The following ZNF521 variants were observed in gnomAD, a reference collection of about 807,000 sequenced individuals.
ZNF521 encodes LYST-interacting protein 3.
ZNF521 carries 14 observed loss-of-function variants against 105.5 expected under a neutral mutation model. The ratio of observed to expected loss-of-function variants is 0.13; its 90% CI spans 0.09 to 0.21. ZNF521 has a LOEUF of 0.21. Ranked by LOEUF, ZNF521 falls within the 10% of genes least tolerant of loss-of-function variation. The pLI, the probability that ZNF521 is intolerant of heterozygous loss-of-function variation, is 1.00. For missense variants in ZNF521, 1,233 were observed against 1,629.7 expected, an observed-to-expected ratio of 0.76 and a Z score of 4.19; for synonymous variants, 635 against 606.0, an observed-to-expected ratio of 1.05 and a Z score of -0.70.
At chr18:25,314,409 G>A (rs139405621) in intron 3 of ZNF521, among the ~76,000 whole-genome samples, 25 of 152,242 alleles carry the variant, frequency 1.6e-4, no homozygotes, top group Middle Eastern at 3.4e-3. Context: ...CAAATAATAA[G>A]GATATTCCAG....
At chr18:25,277,373 T>G (rs1910104630) in intron 3 of ZNF521, among the ~76,000 whole-genome samples, 1 of 152,066 alleles carries the variant, frequency 6.6e-6, no homozygotes, top group South Asian at 2.1e-4. Flanking sequence ...AACCAGCTAG[T>G]TTTTCATATA....
intron 2 of ZNF521, among the ~76,000 whole-genome samples, chr18:25,346,047 A>C (rs1284916402): frequency 6.6e-6 from 1 of 152,216 alleles, no homozygotes; most frequent in Admixed American, 6.5e-5. Context: ...CTTAGGTTAA[A>C]ATCTAATCAT....
At chr18:25,232,525 A>G (rs1313749152) in intron 3 of ZNF521, among the ~76,000 whole-genome samples, 1 of 152,254 alleles carries the variant, frequency 6.6e-6, no homozygotes, top group Admixed American at 6.5e-5. Flanking sequence ...ACAGTGCCTT[A>G]AGCTTTCACA....
chr18:25,066,160 T>C (rs1424430287), intron 7 of ZNF521, among the ~76,000 whole-genome samples: 1 of 152,196 alleles, frequency 6.6e-6, no homozygotes, highest in Non-Finnish European at 1.5e-5. Flanking sequence ...TTCCCTTTTT[T>C]GCTCCAGCCC....
intron 3 of ZNF521, among the ~76,000 whole-genome samples, chr18:25,268,836 T>C (rs1909444665): frequency 6.6e-6 from 1 of 152,098 alleles, no homozygotes; most frequent in Non-Finnish European, 1.5e-5. Flanking sequence ...TACCTAACTG[T>C]AAAGACCATC....
At chr18:25,256,864 G>A (rs371343384) in intron 3 of ZNF521, among the ~76,000 whole-genome samples, 26 of 152,028 alleles carry the variant, frequency 1.7e-4, no homozygotes, top group Admixed American at 1.1e-3. Flanking sequence ...GCATCTCACA[G>A]AAGGACAGGT....
At chr18:25,092,242 T>C (rs1027938954) in intron 5 of ZNF521, among the ~76,000 whole-genome samples, 161 bp from the exon 6 acceptor site, 2 of 152,260 alleles carry the variant, frequency 1.3e-5, no homozygotes, top group African/African-American at 2.4e-5. Context: ...TTCATGAGTT[T>C]ATATCAATTT....
intron 3 of ZNF521, among the ~76,000 whole-genome samples, chr18:25,258,026 C>T (rs45597235): frequency 0.08 from 12,108 of 152,108 alleles, 552 homozygotes; most frequent in African/African-American, 0.12. Context: ...GTTTATCTGC[C>T]ATTTGGAGGT....
rs559369263 is a variant in ZNF521, at chr18:25,230,870, T to C, written c.221-3173A>G. The stretch of plus-strand genomic sequence containing the variant: ...TAAAAAGTCTATTTAAAGATGCAAA[T>C]GTGTGTGCATGGTTAGTGCAGATGT... On this transcript the variant is annotated intron_variant, in intron 3 of 7. Transcript: ENST00000361524. Among the ~76,000 whole-genome samples the C allele has an allele frequency of 3.3e-5, 5 of 152,268 alleles. No individual in the cohort carries two copies. The South Asian group carries it at 1.0e-3, about 32-fold the overall frequency.
chr18:25,139,470 A>G (rs1409001574), intron 5 of ZNF521, among the ~76,000 whole-genome samples: 1 of 151,386 alleles, frequency 6.6e-6, no homozygotes, highest in Non-Finnish European at 1.5e-5. Context: ...AGTGCAGAAG[A>G]GCTGTCCCAG....
chr18:25,341,441 T>C (rs1378839293), intron 2 of ZNF521, among the ~76,000 whole-genome samples: 2 of 152,124 alleles, frequency 1.3e-5, no homozygotes, highest in Non-Finnish European at 2.9e-5. Context: ...ATTTAGAAAA[T>C]TAATTAGCTT....
chr18:25,199,971 TA>T lies in ZNF521; in HGVS notation c.3574-4728del, dbSNP rs937512061. Among the ~76,000 whole-genome samples the T allele has an allele frequency of 6.3e-4, 94 of 149,500 alleles. 1 individual carries two copies. Among genetic ancestry groups the T allele is most frequent in the East Asian group, 1.8e-3 (9 of 5,120 alleles). On this transcript the variant is annotated intron_variant, in intron 4 of 7. Coordinates refer to ENST00000361524, the MANE Select transcript of ZNF521 (RefSeq NM_015461.3). ...CTTTAGTCTATAAAGAACTTGTATG[TA>T]AAAAAAAAATCCCTTGAAACAGTCC...
At chr18:25,208,394 A>T (rs1218223164) in intron 4 of ZNF521, among the ~76,000 whole-genome samples, 1 of 152,226 alleles carries the variant, frequency 6.6e-6, no homozygotes, top group Non-Finnish European at 1.5e-5. Flanking sequence ...TAACAAAATA[A>T]TATCAATCTA....
intron 3 of ZNF521, among the ~76,000 whole-genome samples, chr18:25,249,465 C>T (rs927757351): frequency 3.3e-5 from 5 of 150,154 alleles, no homozygotes; most frequent in Admixed American, 3.3e-4. Flanking sequence ...CCTTTACTTT[C>T]TTTCTTTTTT....
At position 25,168,561 on chromosome 18, in the gene ZNF521, C is replaced by A. The variant is rs1325672143; in HGVS notation, c.3658+26599G>T. Among the ~76,000 whole-genome samples the A allele has an allele frequency of 2.0e-5, 3 of 152,084 alleles. No homozygotes were observed. In the South Asian group the frequency reaches 6.2e-4, roughly 32 times the overall value. On this transcript the variant is annotated intron_variant, in intron 5 of 7. Coordinates refer to ENST00000361524, the MANE Select transcript of ZNF521 (RefSeq NM_015461.3). Reference sequence around the variant, plus strand: ...CAGTCCACAATAGACAACTGCAAAACCTTGATTTTAAATATAGGGGAAGAA... The same window carrying A: ...CAGTCCACAATAGACAACTGCAAAAACTTGATTTTAAATATAGGGGAAGAA...
chr18:25,071,553 T>C (rs2033222828), intron 7 of ZNF521, among the ~76,000 whole-genome samples: 1 of 152,154 alleles, frequency 6.6e-6, no homozygotes. Context: ...AATTTGTTGG[T>C]CTAGACTCAA....
chr18:25,164,257 G>T (rs2035299222), intron 5 of ZNF521, among the ~76,000 whole-genome samples: 1 of 152,196 alleles, frequency 6.6e-6, no homozygotes, highest in South Asian at 2.1e-4. Context: ...CCCGGAGTGG[G>T]TTAACTTGCT....
intron 5 of ZNF521, among the ~76,000 whole-genome samples, chr18:25,134,783 C>A (rs1251818460): frequency 8.5e-5 from 13 of 152,132 alleles, no homozygotes; most frequent in African/African-American, 3.1e-4. Flanking sequence ...TGATGACATC[C>A]ATCAAGCTCA....
intron 5 of ZNF521, among the ~76,000 whole-genome samples, chr18:25,158,801 C>CA (rs2035196087): frequency 6.6e-6 from 1 of 151,718 alleles, no homozygotes; most frequent in South Asian, 2.1e-4. Context: ...ACTAAAAATA[C>CA]AAAAAATTAG....
Sources: gnomAD v4.1 joint callset for allele counts (sites outside exome capture counted in the v4.1 genomes callset) on GRCh38, gnomAD v4.1.1 for gene constraint, MANE v1.5 for transcripts, NCBI Gene and HGNC (gene_info 2026-07-23, HGNC 2026-07-21) for gene names.